The following ELOVL4 variants were observed in gnomAD, a reference collection of about 807,000 sequenced individuals.
The protein encoded by ELOVL4 is very long chain fatty acid elongase 4.
Under a neutral mutation model 42.1 loss-of-function variants are expected in ELOVL4, and 18 were observed. The ratio of observed to expected loss-of-function variants is 0.43; its 90% CI spans 0.30 to 0.63. ELOVL4 has a LOEUF of 0.63. Ranked by LOEUF, ELOVL4 falls within the 30% of genes least tolerant of loss-of-function variation. ELOVL4 has a pLI of 0.15. For synonymous variants in ELOVL4, 117 were observed against 127.0 expected (o/e 0.92, Z 0.53); for missense variants, 299 against 376.2 (o/e 0.79, Z 1.70).
chr6:79,921,228 G>A (rs746086027), intron 4 of ELOVL4, among the ~76,000 whole-genome samples: 10 of 151,904 alleles, frequency 6.6e-5, no homozygotes, highest in East Asian at 1.9e-4. Context: ...TTGGAAGGCC[G>A]AGGCAGGCGG....
At chr6:79,922,004 A>G (rs1388236421) in intron 3 of ELOVL4, among the ~76,000 whole-genome samples, 1 of 152,256 alleles carries the variant, frequency 6.6e-6, no homozygotes, top group Non-Finnish European at 1.5e-5. Flanking sequence ...CTATCTATAC[A>G]GTGCCAATAA....
intron 1 of ELOVL4, among the ~76,000 whole-genome samples, chr6:79,928,956 G>A (rs751560055): frequency 3.9e-4 from 60 of 151,978 alleles, no homozygotes; most frequent in South Asian, 4.2e-4. Context: ...ATTCAACAGA[G>A]AATTTCCAAA....
intron 1 of ELOVL4, among the ~76,000 whole-genome samples, chr6:79,945,862 CT>C (rs1292824229): frequency 6.6e-6 from 1 of 151,930 alleles, no homozygotes; most frequent in Non-Finnish European, 1.5e-5. Context: ...GCTGTAATGG[CT>C]TATTAAATAG....
At chr6:79,944,420 G>A (rs1482551597) in intron 1 of ELOVL4, among the ~76,000 whole-genome samples, 4 of 152,026 alleles carry the variant, frequency 2.6e-5, no homozygotes, top group African/African-American at 7.2e-5. Flanking sequence ...TAATTTCCTC[G>A]TTCAAAATGT....
chr6:79,920,521 T>C lies in ELOVL4; in HGVS notation c.542-974A>G, dbSNP rs1005792383. Among the ~76,000 whole-genome samples, 3 of 152,240 alleles carry C rather than the reference T, an allele frequency of 2.0e-5. 1 individual carries two copies. The highest frequency in any genetic ancestry group is 2.9e-5 in the Non-Finnish European group (2 of 68,032). ...GATGTGTTTCTGATTTCAGATTTTT[T>C]TAAACTTTGGAATATTTGCATAGAC... On this transcript the variant is annotated intron_variant, in intron 4 of 5. Transcript: ENST00000369816.
chr6:79,916,285 T>G lies in ELOVL4; in HGVS notation c.*323A>C. The G allele has an allele frequency of 3.9e-6, 1 of 256,436 alleles. No homozygotes were observed. 15.9% of individuals were successfully genotyped at this position (256,436 alleles called of 1,614,324 possible). A position where few individuals can be genotyped will look rare whatever the true frequency, so the allele number is the denominator to read the frequency against. The stretch of plus-strand genomic sequence containing the variant: ...TCTAAAATTCAGACCGAAGAATGAG[T>G]GACTATAAGATACATGAAAAATCTC... On this transcript the variant is annotated 3_prime_UTR_variant, in exon 6 of 6. Transcript: ENST00000369816.
intron 3 of ELOVL4, among the ~76,000 whole-genome samples, chr6:79,922,237 G>A (rs541620463): frequency 6.6e-6 from 1 of 152,212 alleles, no homozygotes; most frequent in East Asian, 1.9e-4. Flanking sequence ...CTCTACAAGT[G>A]TCTGCCTGTC....
intron 4 of ELOVL4, among the ~76,000 whole-genome samples, chr6:79,920,698 T>C (rs563188033): frequency 1.3e-5 from 2 of 152,330 alleles, no homozygotes; most frequent in South Asian, 2.1e-4. Flanking sequence ...AAAGCAAAGA[T>C]GTCACCCGTG....
intron 1 of ELOVL4, among the ~76,000 whole-genome samples, chr6:79,927,118 C>A (rs1181978590): frequency 6.6e-6 from 1 of 151,988 alleles, no homozygotes; most frequent in Non-Finnish European, 1.5e-5. Context: ...AATTGATTGT[C>A]CAGCATATTC....
intron 1 of ELOVL4, among the ~76,000 whole-genome samples, chr6:79,937,797 T>C (rs559975782): frequency 6.6e-6 from 1 of 152,342 alleles, no homozygotes; most frequent in Admixed American, 6.5e-5. Context: ...TCTTCATCTA[T>C]AGATGGTTAA....
At chr6:79,929,868 G>C (rs1774414459) in intron 1 of ELOVL4, among the ~76,000 whole-genome samples, 1 of 152,128 alleles carries the variant, frequency 6.6e-6, no homozygotes, top group African/African-American at 2.4e-5. Context: ...GAAAAGAGGG[G>C]CTGGGTGTTT....
At chr6:79,934,594 C>T (rs1774512189) in intron 1 of ELOVL4, among the ~76,000 whole-genome samples, 1 of 152,034 alleles carries the variant, frequency 6.6e-6, no homozygotes, top group African/African-American at 2.4e-5. Context: ...AAAGTCAAGC[C>T]CCTCAATGTC....
At chr6:79,929,645 A>C (rs1774411286) in intron 1 of ELOVL4, among the ~76,000 whole-genome samples, 1 of 152,192 alleles carries the variant, frequency 6.6e-6, no homozygotes, top group African/African-American at 2.4e-5. Context: ...AAACTACATG[A>C]TCATTTAGGT....
intron 1 of ELOVL4, among the ~76,000 whole-genome samples, chr6:79,931,578 A>G (rs1325898985): frequency 6.6e-6 from 1 of 152,206 alleles, no homozygotes; most frequent in African/African-American, 2.4e-5. Flanking sequence ...AGAAAGAATG[A>G]CAAGAGTTAC....
At chr6:79,925,421 C>A (rs1338715450) in intron 2 of ELOVL4, among the ~76,000 whole-genome samples, 1 of 152,064 alleles carries the variant, frequency 6.6e-6, no homozygotes, top group Non-Finnish European at 1.5e-5. Flanking sequence ...TTAAAGTGTT[C>A]ATGAAGTTGA....
Position 79,926,259 on chromosome 6 carries a change from T to G in ELOVL4, c.223A>C (p.Met75Leu). 6.2e-7 allele frequency: 1 copy of G among 1,613,988 alleles called. No homozygotes were observed. Among genetic ancestry groups the G allele is most frequent in the South Asian group, 1.1e-5 (1 of 91,076 alleles). The change falls in exon 2 of 6, where the codon ATG becomes CTG. Residue 75 changes from methionine (M) to leucine (L), a missense_variant. By Grantham distance (15) the Met-to-Leu change is conservative. Coordinates refer to ENST00000369816, the MANE Select transcript of ELOVL4 (RefSeq NM_022726.4). The part of the protein sequence containing the change: ...KWMKDREPFQ[M>L]RLVLIIYNFG... ...TTATAGATAATGAGCACTAGACGCATCTGAAAAGGTTCTCGGTCCTTCATC... is the reference window on the plus strand; with the variant it reads ...TTATAGATAATGAGCACTAGACGCAGCTGAAAAGGTTCTCGGTCCTTCATC...
chr6:79,939,847 A>G (rs1423747394), intron 1 of ELOVL4, among the ~76,000 whole-genome samples: 1 of 152,188 alleles, frequency 6.6e-6, no homozygotes, highest in East Asian at 1.9e-4. Flanking sequence ...TGGAACCATA[A>G]TGCCACATAC....
chr6:79,921,825 A>T, intron 3 of ELOVL4, 29 bp from the exon 4 acceptor site: 1 of 1,602,602 alleles, frequency 6.2e-7, no homozygotes, highest in Non-Finnish European at 8.5e-7. Context: ...TGTTATAAAC[A>T]CCAAAATGAC....
chr6:79,916,700 C>T lies in ELOVL4; in HGVS notation c.853G>A (p.Gly285Ser). 1 of 1,614,076 alleles carries T rather than the reference C, an allele frequency of 6.2e-7. No individual in the cohort carries two copies. Among genetic ancestry groups the T allele is most frequent in the Non-Finnish European group, 8.5e-7 (1 of 1,180,016 alleles). Residue 285 changes from glycine (G) to serine (S), a missense_variant, in exon 6 of 6, where the codon GGT (glycine) becomes AGT (serine). Gly to Ser is a moderately conservative substitution (Grantham distance 56). Coordinates refer to ENST00000369816, the MANE Select transcript of ELOVL4 (RefSeq NM_022726.4). The stretch of plus-strand genomic sequence containing the variant: ...TTGCTCACACCATTTGCTGAAATAC[C>T]ATTCATGGCTGTTTTTCCAGCTTTT... The part of the protein sequence containing the change: ...KPKAGKTAMN[G>S]ISANGVSKSE...
Sources: gnomAD v4.1 joint callset for allele counts (sites outside exome capture counted in the v4.1 genomes callset) on GRCh38, gnomAD v4.1.1 for gene constraint, MANE v1.5 for transcripts, NCBI Gene and HGNC (gene_info 2026-07-23, HGNC 2026-07-21) for gene names.